The following SCOC variants were observed in gnomAD, a reference collection of about 807,000 sequenced individuals.
SCOC encodes short coiled coil protein.
In SCOC, 7 loss-of-function variants were observed where a neutral mutation model predicts 9.9. The observed-to-expected ratio is 0.71, with a 90% CI of 0.40 to 1.33. The LOEUF is 1.33. SCOC is among the 40% of genes most tolerant of loss of function. SCOC has a pLI of 0.01. For missense variants in SCOC, 66 were observed against 89.7 expected (o/e 0.74, Z 1.07); for synonymous variants, 19 against 28.2 (o/e 0.67, Z 1.03).
At chr4:140,319,181 T>C (rs1376536794) in intron 1 of SCOC, among the ~76,000 whole-genome samples, 1 of 152,192 alleles carries the variant, frequency 6.6e-6, no homozygotes, top group African/African-American at 2.4e-5. Context: ...AACCTCTGCC[T>C]CCCAGGTTCA....
chr4:140,298,637 C>G (rs1244376398), intron 1 of SCOC, among the ~76,000 whole-genome samples: 2 of 152,192 alleles, frequency 1.3e-5, no homozygotes, highest in Non-Finnish European at 2.9e-5. Context: ...TGAGTTCTTT[C>G]TTCCAGCTCC....
intron 2 of SCOC, among the ~76,000 whole-genome samples, chr4:140,362,300 T>TTCTTCTTCTTCTTCTTCTTC (rs562255556): frequency 6.6e-4 from 24 of 36,586 alleles, no homozygotes; most frequent in African/African-American, 2.3e-3. Flanking sequence ...CTTCTTCTTC[T>TTCTTCTTCTTCTTCTTCTTC]TTTTTTTTTT....
chr4:140,382,311 G>A lies in SCOC; in HGVS notation c.*1207G>A, dbSNP rs1343333101. On this transcript the variant is annotated 3_prime_UTR_variant, in exon 4 of 4. Transcript: ENST00000608372. ...TTTGGTAAGGAAATCAATATTGGAAGTATTGCTAAAATCTTATAATATGAA... is the reference window on the plus strand; with the variant it reads ...TTTGGTAAGGAAATCAATATTGGAAATATTGCTAAAATCTTATAATATGAA... The A allele has an allele frequency of 2.0e-5, 3 of 152,428 alleles. No individual in the cohort carries two copies. The highest frequency in any genetic ancestry group is 7.2e-5 in the African/African-American group (3 of 41,436). 9.4% of individuals were successfully genotyped at this position (152,428 alleles called of 1,614,324 possible). A position where few individuals can be genotyped will look rare whatever the true frequency, so the allele number is the denominator to read the frequency against.
At chr4:140,357,056 G>A (rs1476542886) in intron 2 of SCOC, among the ~76,000 whole-genome samples, 2 of 151,978 alleles carry the variant, frequency 1.3e-5, no homozygotes, top group Admixed American at 6.6e-5. Context: ...TGCAACCTTC[G>A]CCTCCCAGGT....
chr4:140,270,606 C>T (rs1489319874), intron 1 of SCOC, among the ~76,000 whole-genome samples: 1 of 152,152 alleles, frequency 6.6e-6, no homozygotes, highest in Non-Finnish European at 1.5e-5. Context: ...ATAGGGTCTA[C>T]CCCTCATTGC....
chr4:140,303,409 A>G (rs1475502304), intron 1 of SCOC, among the ~76,000 whole-genome samples: 2 of 152,206 alleles, frequency 1.3e-5, no homozygotes, highest in Non-Finnish European at 2.9e-5. Context: ...ATGGGACCTC[A>G]GGCCCTGTGG....
chr4:140,378,336 G>T (rs1350882741), intron 1 of SCOC, among the ~76,000 whole-genome samples: 5 of 151,336 alleles, frequency 3.3e-5, no homozygotes, highest in Non-Finnish European at 7.4e-5. Flanking sequence ...CTTAATATCA[G>T]AGCATTTTTT....
In SCOC at chr4:140,271,924, G is replaced by A. The variant is rs150210646; in HGVS notation, c.-19+14514G>A. On this transcript the variant is annotated intron_variant, in intron 1 of 4. Coordinates refer to the SCOC transcript ENST00000394205. The stretch of plus-strand genomic sequence containing the variant: ...CAGCCCAGCCTTGGAAAGGTGGAAT[G>A]AACGGGCGCCTGTCTGTGTGGTGAA... Among the ~76,000 whole-genome samples, 105 of 152,304 alleles carry A rather than the reference G, an allele frequency of 6.9e-4. 1 individual carries two copies. The East Asian group carries it at 0.014, about 21-fold the overall frequency.
intron 1 of SCOC, among the ~76,000 whole-genome samples, chr4:140,316,852 T>C (rs1336652686): frequency 6.6e-6 from 1 of 152,184 alleles, no homozygotes; most frequent in Admixed American, 6.5e-5. Flanking sequence ...AGTCTACAAA[T>C]TAAGGTATGC....
chr4:140,373,404 G>A (rs1233136593), upstream of SCOC: 1 of 1,489,382 alleles, frequency 6.7e-7, no homozygotes, highest in African/African-American at 1.4e-5. Context: ...CTTCTTTACT[G>A]TCATTGGCTG....
intron 1 of SCOC, among the ~76,000 whole-genome samples, chr4:140,327,366 A>C (rs2126489927): frequency 6.6e-6 from 1 of 152,342 alleles, no homozygotes; most frequent in East Asian, 1.9e-4. Context: ...CTGCACCATC[A>C]AACTGATCTG....
intron 1 of SCOC, among the ~76,000 whole-genome samples, chr4:140,337,768 G>A (rs1352295955): frequency 6.6e-6 from 1 of 152,120 alleles, no homozygotes; most frequent in African/African-American, 2.4e-5. Context: ...TAGAATCTCT[G>A]AATAGACCAA....
At chr4:140,337,172 T>C (rs1732981052) in intron 1 of SCOC, among the ~76,000 whole-genome samples, 1 of 152,196 alleles carries the variant, frequency 6.6e-6, no homozygotes, top group Non-Finnish European at 1.5e-5. Context: ...CAAATATTTT[T>C]TCCCATTCTG....
chr4:140,317,743 ATTGTGC>A (rs1324538900), intron 1 of SCOC, among the ~76,000 whole-genome samples: 2 of 149,996 alleles, frequency 1.3e-5, no homozygotes, highest in Non-Finnish European at 3.0e-5. Flanking sequence ...ACATATGCAC[ATTGTGC>A]AGGTTAGTTA....
intron 1 of SCOC, among the ~76,000 whole-genome samples, chr4:140,327,880 T>G (rs1455128113): frequency 1.3e-5 from 2 of 149,148 alleles, no homozygotes; most frequent in South Asian, 2.1e-4. Flanking sequence ...GTTTGGCATG[T>G]TTTTTTTTTC....
intron 1 of SCOC, among the ~76,000 whole-genome samples, chr4:140,311,676 C>A (rs1353917092): frequency 6.6e-6 from 1 of 152,120 alleles, no homozygotes; most frequent in Non-Finnish European, 1.5e-5. Flanking sequence ...TGGGGTCAGA[C>A]TGCTTGAGTT....
chr4:140,358,935 T>C (rs1250908082), intron 2 of SCOC, among the ~76,000 whole-genome samples: 1 of 152,226 alleles, frequency 6.6e-6, no homozygotes, highest in Non-Finnish European at 1.5e-5. Flanking sequence ...CTTTGATTTA[T>C]GAAAGTTGAA....
chr4:140,310,482 A>C (rs747993859), intron 1 of SCOC, among the ~76,000 whole-genome samples: 1 of 152,184 alleles, frequency 6.6e-6, no homozygotes, highest in Non-Finnish European at 1.5e-5. Flanking sequence ...ACCCTTCAGG[A>C]ACTTTCGCTC....
intron 2 of SCOC, among the ~76,000 whole-genome samples, chr4:140,357,829 C>A (rs558002616): frequency 6.6e-6 from 1 of 151,364 alleles, no homozygotes; most frequent in Non-Finnish European, 1.5e-5. Flanking sequence ...TAAAGAATGA[C>A]GAATAGTAGC....
Sources: allele counts gnomAD v4.1 joint callset (sites outside exome capture counted in the v4.1 genomes callset), GRCh38; gene constraint gnomAD v4.1.1; transcripts MANE v1.5; gene names NCBI Gene and HGNC (gene_info 2026-07-23, HGNC 2026-07-21).